The following LTBP1 variants were observed in gnomAD, a reference collection of about 807,000 sequenced individuals.
LTBP1 encodes the protein latent-transforming growth factor beta-binding protein 1.
LTBP1 carries 129 observed loss-of-function variants against 207.6 expected under a neutral mutation model. The ratio of observed to expected loss-of-function variants is 0.62; its 90% CI spans 0.54 to 0.72. The LOEUF (loss-of-function observed/expected upper bound fraction) is 0.72. LTBP1 is among the 30% of genes least tolerant of loss of function. LTBP1 has a pLI of 0.00. For synonymous variants in LTBP1, 963 were observed against 833.7 expected, an observed-to-expected ratio of 1.16 and a Z score of -2.67; for missense variants, 2,281 against 2,217.2, an observed-to-expected ratio of 1.03 and a Z score of -0.58.
chr2:33,180,615 C>G (rs56988251), intron 5 of LTBP1, among the ~76,000 whole-genome samples: 64,186 of 151,422 alleles, frequency 0.42, 14,523 homozygotes, highest in Non-Finnish European at 0.5. Context: ...CCATGTCTGG[C>G]TAATTTTTGG....
intron 5 of LTBP1, among the ~76,000 whole-genome samples, chr2:33,138,093 G>C (rs1214954627): frequency 1.3e-5 from 2 of 152,258 alleles, no homozygotes; most frequent in South Asian, 2.1e-4. Flanking sequence ...TGTGGAGGTT[G>C]TTCTTTTACA....
intron 9 of LTBP1, among the ~76,000 whole-genome samples, chr2:33,227,258 C>T (rs2091492695): frequency 6.6e-5 from 10 of 152,082 alleles, no homozygotes; most frequent in Admixed American, 6.5e-4. Flanking sequence ...AATTCCTGGC[C>T]TCAAGCAAAT....
At chr2:33,258,873 TC>T (rs1289101328) in intron 12 of LTBP1, among the ~76,000 whole-genome samples, 2 of 152,174 alleles carry the variant, frequency 1.3e-5, no homozygotes, top group African/African-American at 4.8e-5. Flanking sequence ...TGAATGTTGA[TC>T]CAGGGCTTTA....
At chr2:33,051,606 A>G (rs1235828655) in intron 3 of LTBP1, among the ~76,000 whole-genome samples, 1 of 152,170 alleles carries the variant, frequency 6.6e-6, no homozygotes, top group South Asian at 2.1e-4. Context: ...CCGGAGTGCC[A>G]TTCAGAGCTG....
chr2:33,308,456 C>T (rs1440720543), intron 22 of LTBP1, among the ~76,000 whole-genome samples: 1 of 152,120 alleles, frequency 6.6e-6, no homozygotes. Flanking sequence ...TCCTTCTGTT[C>T]AAAAGTCCCT....
At chr2:32,988,330 T>TA (rs1162566484) in intron 2 of LTBP1, among the ~76,000 whole-genome samples, 1 of 152,226 alleles carries the variant, frequency 6.6e-6, no homozygotes, top group Non-Finnish European at 1.5e-5. Flanking sequence ...TTTAGCATGA[T>TA]ATTGCACCTG....
intron 5 of LTBP1, among the ~76,000 whole-genome samples, chr2:33,155,645 C>A (rs1055416689): frequency 5.9e-5 from 9 of 152,008 alleles, no homozygotes; most frequent in Admixed American, 3.9e-4. Flanking sequence ...ACAAAACCAC[C>A]CCTGATTGAG....
chr2:33,282,390 G>A (rs1468552413), intron 19 of LTBP1, among the ~76,000 whole-genome samples: 2 of 152,100 alleles, frequency 1.3e-5, no homozygotes, highest in Non-Finnish European at 2.9e-5. Context: ...TGGACTTGCA[G>A]CTCTTCTAAA....
At chr2:32,979,598 A>G (rs538888124) in intron 2 of LTBP1, among the ~76,000 whole-genome samples, 1 of 152,244 alleles carries the variant, frequency 6.6e-6, no homozygotes, top group Non-Finnish European at 1.5e-5. Flanking sequence ...GTGGCATAAG[A>G]TACGGTTCAT....
In LTBP1 at chr2:33,151,639, A is replaced by G. The variant is rs189907724; in HGVS notation, c.1201+16679A>G. ...CTCCCACCCTTCCCTCTAAGTCTCT[A>G]AAGTCCATTGTATTATTCTTATGCC... On this transcript the variant is annotated intron_variant, in intron 5 of 33. Transcript: ENST00000404816. Among the ~76,000 whole-genome samples, 484 of 152,062 alleles carry G rather than the reference A, an allele frequency of 3.2e-3. 1 individual carries two copies. Among genetic ancestry groups the G allele is most frequent in the Non-Finnish European group, 3.4e-3 (233 of 67,994 alleles).
intron 5 of LTBP1, among the ~76,000 whole-genome samples, chr2:33,148,563 T>C (rs2083243379): frequency 6.6e-6 from 1 of 152,200 alleles, no homozygotes; most frequent in Admixed American, 6.5e-5. Context: ...TACATTTCCT[T>C]CACCTCACTC....
chr2:33,038,019 C>T (rs2076008280), intron 3 of LTBP1, among the ~76,000 whole-genome samples: 1 of 152,232 alleles, frequency 6.6e-6, no homozygotes, highest in Non-Finnish European at 1.5e-5. Context: ...CGCACCTAGC[C>T]AAGATCCTGT....
At chr2:33,207,791 A>T (rs4671010) in intron 7 of LTBP1, among the ~76,000 whole-genome samples, 1 of 152,000 alleles carries the variant, frequency 6.6e-6, no homozygotes, top group East Asian at 1.9e-4. Flanking sequence ...TTAATGATCT[A>T]GTACTGGGAC....
At chr2:33,191,692 A>G (rs974593844) in intron 7 of LTBP1, among the ~76,000 whole-genome samples, 7 of 152,234 alleles carry the variant, frequency 4.6e-5, no homozygotes, top group African/African-American at 7.2e-5. Flanking sequence ...GCCAGGAGGT[A>G]TAGGTAGATT....
At chr2:33,137,480 C>T (rs1224823756) in intron 5 of LTBP1, among the ~76,000 whole-genome samples, 2 of 152,160 alleles carry the variant, frequency 1.3e-5, no homozygotes, top group African/African-American at 4.8e-5. Flanking sequence ...TACAGCTACT[C>T]AACCCTGCCA....
chr2:33,002,903 C>G (rs1328985902), intron 2 of LTBP1, among the ~76,000 whole-genome samples: 2 of 152,136 alleles, frequency 1.3e-5, no homozygotes, highest in Non-Finnish European at 2.9e-5. Flanking sequence ...ATCTTGAACT[C>G]CTGACCTCAG....
chr2:33,169,218 G>T (rs1283775026), intron 5 of LTBP1, among the ~76,000 whole-genome samples: 1 of 152,124 alleles, frequency 6.6e-6, no homozygotes, highest in Non-Finnish European at 1.5e-5. Flanking sequence ...CTCTGCTTTT[G>T]TGTGAGTCCT....
intron 2 of LTBP1, among the ~76,000 whole-genome samples, chr2:32,949,477 TG>T (rs1208124754): frequency 6.6e-6 from 1 of 152,218 alleles, no homozygotes; most frequent in Non-Finnish European, 1.5e-5. Context: ...AACTGATGGA[TG>T]GGGTTCTCTG....
intron 9 of LTBP1, among the ~76,000 whole-genome samples, chr2:33,222,416 A>T (rs543529246): frequency 2.6e-4 from 40 of 152,362 alleles, no homozygotes; most frequent in African/African-American, 9.6e-4. Flanking sequence ...ATTAGAGAGC[A>T]CACTGTGGTT....
Sources: gnomAD v4.1 joint callset for allele counts (sites outside exome capture counted in the v4.1 genomes callset) on GRCh38, gnomAD v4.1.1 for gene constraint, MANE v1.5 for transcripts, NCBI Gene and HGNC (gene_info 2026-07-23, HGNC 2026-07-21) for gene names.